The following CHD6 variants were observed in gnomAD, a reference collection of about 807,000 sequenced individuals.
The protein encoded by CHD6 is chromodomain helicase DNA binding protein 6.
A neutral mutation model predicts 276.9 loss-of-function variants in CHD6; 50 were observed. The observed-to-expected ratio is 0.18, with a 90% CI of 0.14 to 0.23. The LOEUF (loss-of-function observed/expected upper bound fraction) is 0.23. Among genes scored for constraint, CHD6 ranks in the 10% least tolerant of loss-of-function variants. The probability of loss-of-function intolerance (pLI) is 1.00; values close to 1 mark genes in which losing one functional copy is unlikely to be tolerated. For synonymous variants in CHD6, 1,173 were observed against 1,229.3 expected (o/e 0.95, Z 0.96); for missense variants, 2,564 against 3,365.8 (o/e 0.76, Z 5.89).
chr20:41,505,255 G>A (rs745835726), intron 5 of CHD6, among the ~76,000 whole-genome samples: 5 of 151,996 alleles, frequency 3.3e-5, no homozygotes, highest in Admixed American at 6.6e-5. Context: ...TTTTTGTCTC[G>A]TAAGTACCAC....
intron 1 of CHD6, among the ~76,000 whole-genome samples, chr20:41,609,853 T>C (rs1451335924): frequency 1.3e-5 from 2 of 149,750 alleles, no homozygotes; most frequent in African/African-American, 2.5e-5. Flanking sequence ...TTTTTCTTTT[T>C]TCTTTTTTTT....
intron 17 of CHD6, among the ~76,000 whole-genome samples, chr20:41,458,994 G>A (rs990523781): frequency 2.0e-5 from 3 of 152,132 alleles, no homozygotes; most frequent in Admixed American, 6.5e-5. Context: ...CTCCTGCCCC[G>A]TGATCTTGAT....
intron 1 of CHD6, among the ~76,000 whole-genome samples, chr20:41,565,973 A>G (rs554416846): frequency 1.3e-4 from 20 of 152,254 alleles, no homozygotes; most frequent in Admixed American, 6.5e-4. Flanking sequence ...ATTAAGAGGG[A>G]AAAACAGTCA....
intron 2 of CHD6, among the ~76,000 whole-genome samples, chr20:41,540,665 C>T (rs897854806): frequency 1.3e-5 from 2 of 152,158 alleles, no homozygotes; most frequent in African/African-American, 4.8e-5. Context: ...TGCTTCCTTG[C>T]ACCTCCAACC....
Position 41,404,090 on chromosome 20 carries a change from T to A in CHD6, c.*503A>T, listed in dbSNP as rs2046602619. On this transcript the variant is annotated 3_prime_UTR_variant, in exon 37 of 37. Transcript: ENST00000373233. ...GTCTATACTACTCACTTAGTAATCA[T>A]GATAAAATAGGGAAATATTTTAACT... 9.5e-7 allele frequency: 1 copy of A among 1,050,678 alleles called. No homozygotes were observed. Among genetic ancestry groups the A allele is most frequent in the Non-Finnish European group, 1.1e-6 (1 of 869,948 alleles). The allele number at this position is 1,050,678 out of a possible 1,614,324, so 65.1% of individuals were successfully genotyped here.
chr20:41,445,647 C>T lies in CHD6; in HGVS notation c.3877+18G>A. ...GGGAAACTGATACAGAAGGGAACGC[C>T]TTCAGAGAAATACACACCATGCTTG... On this transcript the variant is annotated intron_variant, in intron 25 of 36. Coordinates refer to ENST00000373233, the MANE Select transcript of CHD6 (RefSeq NM_032221.5). 6.4e-7 allele frequency: 1 copy of T among 1,574,070 alleles called. No individual in the cohort carries two copies. The highest frequency in any genetic ancestry group is 8.7e-7 in the Non-Finnish European group (1 of 1,143,864).
chr20:41,512,838 G>A lies in CHD6; in HGVS notation c.852+8C>T. 2 of 1,613,938 alleles carry A rather than the reference G, an allele frequency of 1.2e-6. No individual in the cohort carries two copies. Among genetic ancestry groups the A allele is most frequent in the East Asian group, 4.5e-5 (2 of 44,872 alleles). Reference sequence around the variant, plus strand: ...GCCAAGGTCAGTAACCTCATGCAAAGGCCATACCTCCGCCTGCCAGGCCAG... The same window carrying A: ...GCCAAGGTCAGTAACCTCATGCAAAAGCCATACCTCCGCCTGCCAGGCCAG... On this transcript the variant is annotated splice_region_variant and intron_variant, in intron 5 of 36. Coordinates refer to ENST00000373233, the MANE Select transcript of CHD6 (RefSeq NM_032221.5).
chr20:41,432,177 A>AAAAAAAAC (rs1600843888), intron 27 of CHD6, among the ~76,000 whole-genome samples: 1 of 151,702 alleles, frequency 6.6e-6, no homozygotes, highest in African/African-American at 2.4e-5. Context: ...AAAAAAAAAA[A>AAAAAAAAC]AAGAAGCGAG....
intron 2 of CHD6, chr20:41,547,877 C>T (rs896779546): frequency 1.9e-5 from 7 of 364,656 alleles, no homozygotes; most frequent in Non-Finnish European, 3.2e-5. Context: ...ACCCTCATGA[C>T]ATCATGGATG....
chr20:41,543,131 A>G (rs1010311906), intron 2 of CHD6, among the ~76,000 whole-genome samples: 7 of 152,036 alleles, frequency 4.6e-5, no homozygotes, highest in Non-Finnish European at 2.9e-5. Flanking sequence ...GATGTCAATA[A>G]TAATAATAGT....
In CHD6 at chr20:41,405,304, T is replaced by C. The variant is rs761289142; in HGVS notation, c.7437A>G (p.Val2479=). Residue 2479 remains valine (V), a synonymous_variant, in exon 37 of 37, where the codon GTA becomes GTG. Transcript: ENST00000373233. ...GCATATTTCTCATGTTCTGAAGTCC[T>C]ACCAGGTCCATCCCAGCAATCAGTC... ...MNGLIAGMDL[V]GLQNMRNMPG... is the part of the protein sequence containing the mutation. 1 of 1,614,198 alleles carries C rather than the reference T, an allele frequency of 6.2e-7. No individual in the cohort carries two copies. The highest frequency in any genetic ancestry group is 8.5e-7 in the Non-Finnish European group (1 of 1,180,030).
intron 3 of CHD6, among the ~76,000 whole-genome samples, chr20:41,521,184 A>G (rs1486744319): frequency 6.6e-6 from 1 of 152,234 alleles, no homozygotes; most frequent in Non-Finnish European, 1.5e-5. Context: ...GAATCCATGT[A>G]TGTTTAAAAC....
At chr20:41,599,711 T>C (rs140353327) in intron 1 of CHD6, among the ~76,000 whole-genome samples, 3 of 152,204 alleles carry the variant, frequency 2.0e-5, no homozygotes, top group African/African-American at 7.2e-5. Flanking sequence ...AAAGCTTCCT[T>C]CGTCTTTCTC....
intron 5 of CHD6, among the ~76,000 whole-genome samples, chr20:41,508,279 TGAG>T (rs1219968169): frequency 1.3e-5 from 2 of 151,926 alleles, no homozygotes; most frequent in Non-Finnish European, 2.9e-5. Flanking sequence ...TTACACAAAA[TGAG>T]GAGTAGTAAT....
rs2046582960 is a variant in CHD6 at position 41,403,367 on chromosome 20, TG to T, written c.*1225del. The stretch of plus-strand genomic sequence containing the variant: ...ACGTTAACATGAAGGTGAAAGGACA[TG>T]GGGAAGTGCTGCTTAGGCAGTTTCT... On this transcript the variant is annotated 3_prime_UTR_variant, in exon 37 of 37. Coordinates refer to ENST00000373233, the MANE Select transcript of CHD6 (RefSeq NM_032221.5). The T allele has an allele frequency of 9.4e-7, 1 of 1,061,736 alleles. No homozygotes were observed. The highest frequency in any genetic ancestry group is 5.4e-5 in the Admixed American group (1 of 18,590). 65.8% of individuals were successfully genotyped at this position (1,061,736 alleles called of 1,614,324 possible).
chr20:41,421,403 G>A lies in CHD6; in HGVS notation c.5232C>T (p.Asn1744=), dbSNP rs769303132. The A allele has an allele frequency of 1.9e-6, 3 of 1,614,216 alleles. No homozygotes were observed. Among genetic ancestry groups the A allele is most frequent in the South Asian group, 1.1e-5 (1 of 91,066 alleles). Reference sequence around the variant, plus strand: ...CTGCCTCAGGGCCACCAGACTGGCAGTTCCCATCTTTGCTTATTGAGATGG... The same window carrying A: ...CTGCCTCAGGGCCACCAGACTGGCAATTCCCATCTTTGCTTATTGAGATGG... ...VITISISKDG[N]CQSGGPEAEI... Residue 1744 remains asparagine (N), a synonymous_variant, in exon 31 of 37, where the codon AAC becomes AAT. Transcript: ENST00000373233.
In CHD6 at chr20:41,581,076, A is replaced by G. The variant is rs144315593; in HGVS notation, c.-23-29716T>C. Among the ~76,000 whole-genome samples the G allele has an allele frequency of 3.3e-5, 5 of 152,358 alleles. No individual in the cohort carries two copies. The East Asian group carries it at 9.6e-4, about 29-fold the overall frequency. On this transcript the variant is annotated intron_variant, in intron 1 of 36. Coordinates refer to ENST00000373233, the MANE Select transcript of CHD6 (RefSeq NM_032221.5). ...TTCCACTGTTAAAGTCCTTCTACTCAAAGAACTTATCTTCTAAGAACTTAA... is the reference window on the plus strand; with the variant it reads ...TTCCACTGTTAAAGTCCTTCTACTCGAAGAACTTATCTTCTAAGAACTTAA...
intron 8 of CHD6, 57 bp from the exon 9 acceptor site, chr20:41,494,001 A>AC: frequency 1.3e-5 from 16 of 1,273,912 alleles, no homozygotes; most frequent in Non-Finnish European, 1.7e-5. Context: ...CAAATCCAAC[A>AC]CCTAGGGTGT....
In CHD6 at chr20:41,576,484, G is replaced by A. The variant is rs577928503; in HGVS notation, c.-23-25124C>T. Among the ~76,000 whole-genome samples the A allele has an allele frequency of 3.9e-5, 6 of 152,230 alleles. No individual in the cohort carries two copies. In the South Asian group the frequency reaches 1.2e-3, roughly 32 times the overall value. On this transcript the variant is annotated intron_variant, in intron 1 of 36. Coordinates refer to ENST00000373233, the MANE Select transcript of CHD6 (RefSeq NM_032221.5). ...GCAGATCACCTGAGGTCAGGAGTTCGAGACCAGCCTGGCCAACATGGTGAA... is the reference window on the plus strand; with the variant it reads ...GCAGATCACCTGAGGTCAGGAGTTCAAGACCAGCCTGGCCAACATGGTGAA...
Sources: allele counts gnomAD v4.1 joint callset (sites outside exome capture counted in the v4.1 genomes callset), GRCh38; gene constraint gnomAD v4.1.1; transcripts MANE v1.5; gene names NCBI Gene and HGNC (gene_info 2026-07-23, HGNC 2026-07-21).